The following KCNIP4 variants were observed in gnomAD, a reference collection of about 807,000 sequenced individuals.
The protein encoded by KCNIP4 is potassium voltage-gated channel interacting protein 4.
In KCNIP4, 12 loss-of-function variants were observed where a neutral mutation model predicts 34.0. The observed-to-expected ratio is 0.35, with a 90% CI of 0.23 to 0.57. The LOEUF is 0.57. Ranked by LOEUF, KCNIP4 falls within the 20% of genes least tolerant of loss-of-function variation. The pLI is 0.83. For synonymous variants in KCNIP4, 124 were observed against 102.2 expected (o/e 1.21, Z -1.29); for missense variants, 238 against 311.7 (o/e 0.76, Z 1.78).
chr4:21,339,987 T>A (rs1267082997), intron 1 of KCNIP4, among the ~76,000 whole-genome samples: 2 of 152,204 alleles, frequency 1.3e-5, no homozygotes. Context: ...ATGTAATTTC[T>A]ACATTTGTCT....
chr4:20,998,782 T>C (rs1194673544), intron 1 of KCNIP4, among the ~76,000 whole-genome samples: 1 of 152,272 alleles, frequency 6.6e-6, no homozygotes, highest in Non-Finnish European at 1.5e-5. Flanking sequence ...AAATGGAGGA[T>C]GACTCAATGT....
chr4:20,803,753 GGAAA>G (rs778165887), intron 3 of KCNIP4, among the ~76,000 whole-genome samples: 2,141 of 148,990 alleles, frequency 0.014, 90 homozygotes, highest in African/African-American at 0.04. Context: ...AAGGAAGGAA[GGAAA>G]GAAGGAAGGA....
At chr4:20,841,358 A>T (rs4697189) in intron 3 of KCNIP4, among the ~76,000 whole-genome samples, 59,213 of 152,002 alleles carry the variant, frequency 0.39, 12,059 homozygotes, top group Non-Finnish European at 0.46. Flanking sequence ...CAGGAAGCTT[A>T]AAGAATAGGG....
chr4:21,364,143 G>A (rs531066626), intron 1 of KCNIP4, among the ~76,000 whole-genome samples: 1 of 152,072 alleles, frequency 6.6e-6, no homozygotes, highest in Non-Finnish European at 1.5e-5. Flanking sequence ...AGCTTACAAG[G>A]ATTGTTTCTC....
intron 1 of KCNIP4, among the ~76,000 whole-genome samples, chr4:21,904,887 C>G (rs900418268): frequency 1.3e-5 from 2 of 152,036 alleles, no homozygotes; most frequent in Non-Finnish European, 2.9e-5. Context: ...ACAAACTAAG[C>G]CTTCATTGAG....
At chr4:21,309,929 C>T (rs1010679435) in intron 1 of KCNIP4, among the ~76,000 whole-genome samples, 1 of 152,054 alleles carries the variant, frequency 6.6e-6, no homozygotes, top group Admixed American at 6.6e-5. Context: ...ATAGAGATCA[C>T]GTTGTGCTGA....
At chr4:21,881,395 T>G (rs945576693) in intron 1 of KCNIP4, among the ~76,000 whole-genome samples, 1 of 152,118 alleles carries the variant, frequency 6.6e-6, no homozygotes, top group Non-Finnish European at 1.5e-5. Flanking sequence ...GAAAGAAAAA[T>G]AGTACCCTAG....
chr4:21,172,186 C>T (rs535315520), intron 1 of KCNIP4, among the ~76,000 whole-genome samples: 7 of 152,200 alleles, frequency 4.6e-5, no homozygotes, highest in African/African-American at 1.7e-4. Flanking sequence ...CGCCACCATG[C>T]CTGGATGGCT....
intron 1 of KCNIP4, among the ~76,000 whole-genome samples, chr4:21,483,877 T>C (rs542358118): frequency 6.6e-6 from 1 of 152,192 alleles, no homozygotes; most frequent in East Asian, 1.9e-4. Context: ...GTGCTGGCCA[T>C]GTAAGATGTG....
At chr4:21,589,290 A>G (rs545495693) in intron 1 of KCNIP4, among the ~76,000 whole-genome samples, 2 of 141,938 alleles carry the variant, frequency 1.4e-5, no homozygotes, top group Non-Finnish European at 3.1e-5. Flanking sequence ...AGATACATAT[A>G]TATGTGTATA....
At position 21,304,215 on chromosome 4, in the gene KCNIP4, C is replaced by T. The variant is rs550961311; in HGVS notation, c.62-421506G>A. 2.6e-5 allele frequency among the ~76,000 whole-genome samples: 4 copies of T among 152,294 alleles called. No homozygotes were observed. In the South Asian group the frequency reaches 8.3e-4, roughly 32 times the overall value. ...ACAGAAAATGCATTCATCCTGTCTGCTGTAGCAGAGGCCAGAAGTAGCAGC... is the reference window on the plus strand; with the variant it reads ...ACAGAAAATGCATTCATCCTGTCTGTTGTAGCAGAGGCCAGAAGTAGCAGC... On this transcript the variant is annotated intron_variant, in intron 1 of 8. Transcript: ENST00000382152.
intron 1 of KCNIP4, among the ~76,000 whole-genome samples, chr4:21,553,415 T>G (rs1330552994): frequency 4.6e-5 from 7 of 151,986 alleles, no homozygotes; most frequent in African/African-American, 1.5e-4. Flanking sequence ...CCGATGGAGG[T>G]CCACTTCTTT....
chr4:21,720,748 T>C (rs1479309010), intron 1 of KCNIP4, among the ~76,000 whole-genome samples: 1 of 148,760 alleles, frequency 6.7e-6, no homozygotes, highest in Admixed American at 6.7e-5. Flanking sequence ...TTCTCATTGT[T>C]CAATTCCCAC....
At chr4:21,438,353 G>T (rs1414724716) in intron 1 of KCNIP4, among the ~76,000 whole-genome samples, 1 of 152,180 alleles carries the variant, frequency 6.6e-6, no homozygotes, top group African/African-American at 2.4e-5. Flanking sequence ...GCAATATGTT[G>T]TATAGAGATA....
chr4:21,467,981 T>C (rs376363494), intron 1 of KCNIP4, among the ~76,000 whole-genome samples: 2 of 152,248 alleles, frequency 1.3e-5, no homozygotes, highest in South Asian at 4.2e-4. Flanking sequence ...TCCTGCCAGA[T>C]GGAAAGCTGG....
rs150855097 is a variant in KCNIP4, at chr4:21,658,566, C to T, written c.61+290005G>A. Among the ~76,000 whole-genome samples, 929 of 152,176 alleles carry T rather than the reference C, an allele frequency of 6.1e-3. 4 individuals are homozygous for T. The highest frequency in any genetic ancestry group is 0.021 in the African/African-American group (874 of 41,548). On this transcript the variant is annotated intron_variant, in intron 1 of 8. Transcript: ENST00000382152. ...GAGTAGCTGAGATTACCAGGCCTGG[C>T]TAATTTTTATATTTTTAGTAGAGAC...
chr4:20,906,205 A>T (rs1216034967), intron 1 of KCNIP4, among the ~76,000 whole-genome samples: 1 of 151,960 alleles, frequency 6.6e-6, no homozygotes, highest in East Asian at 1.9e-4. Context: ...TTGATGGGGC[A>T]AATCACTATC....
rs184692527 is a variant in KCNIP4 at position 20,892,538 on chromosome 4, T to C, written c.62-9829A>G. 1.9e-3 allele frequency among the ~76,000 whole-genome samples: 290 copies of C among 152,322 alleles called. 1 individual carries two copies. Among genetic ancestry groups the C allele is most frequent in the African/African-American group, 6.7e-3 (280 of 41,566 alleles). On this transcript the variant is annotated intron_variant, in intron 1 of 8. Transcript: ENST00000382152. ...TACATCTCTGTTTGTGTCTCTCCTT[T>C]ATCTTTTTCTGCTCTGTTTCTGTCT...
At chr4:21,896,863 G>A (rs1032335020) in intron 1 of KCNIP4, among the ~76,000 whole-genome samples, 6 of 151,748 alleles carry the variant, frequency 4.0e-5, no homozygotes, top group South Asian at 2.1e-4. Context: ...AGGGTGCAGC[G>A]AGCCAAGATT....
Sources: gnomAD v4.1 joint callset for allele counts (sites outside exome capture counted in the v4.1 genomes callset) on GRCh38, gnomAD v4.1.1 for gene constraint, MANE v1.5 for transcripts, NCBI Gene and HGNC (gene_info 2026-07-23, HGNC 2026-07-21) for gene names.